The following MAOB variants were observed in gnomAD, a reference collection of about 807,000 sequenced individuals.
The protein encoded by MAOB is amine oxidase [flavin-containing] B.
Under a neutral mutation model 41.9 loss-of-function variants are expected in MAOB, and 15 were observed. The observed-to-expected ratio is 0.36, with a 90% CI of 0.24 to 0.55. The LOEUF (loss-of-function observed/expected upper bound fraction) is 0.55. MAOB is among the 20% of genes least tolerant of loss of function. MAOB has a pLI of 0.86. For missense variants in MAOB, 345 were observed against 398.7 expected, an observed-to-expected ratio of 0.87 and a Z score of 1.15; for synonymous variants, 167 against 144.2, an observed-to-expected ratio of 1.16 and a Z score of -1.13.
intron 6 of MAOB, among the ~76,000 whole-genome samples, chrX:43,796,885 A>G (rs1438171121): frequency 8.9e-6 from 1 of 112,049 alleles, no homozygotes; most frequent in Non-Finnish European, 1.9e-5. Flanking sequence ...GAGCGTATGG[A>G]AAATGGCCAC....
chrX:43,872,647 G>C (rs1342071427), intron 1 of MAOB, among the ~76,000 whole-genome samples: 1 of 111,843 alleles, frequency 8.9e-6, no homozygotes, highest in Non-Finnish European at 1.9e-5. Flanking sequence ...AGCAATAGGA[G>C]ATTGATTCAA....
chrX:43,841,254 T>C (rs986875827), intron 2 of MAOB, among the ~76,000 whole-genome samples: 2 of 111,424 alleles, frequency 1.8e-5, no homozygotes, highest in Non-Finnish European at 3.8e-5. Context: ...ACTCTGTGTT[T>C]AAATAGAAAA....
At chrX:43,790,811 G>A (rs1364271907) in intron 8 of MAOB, among the ~76,000 whole-genome samples, 1 of 111,461 alleles carries the variant, frequency 9.0e-6, no homozygotes, top group Non-Finnish European at 1.9e-5. Flanking sequence ...CAGATTCTGA[G>A]GGGTGGAGGT....
chrX:43,769,487 A>G (rs761363155), intron 12 of MAOB, 69 bp from the exon 13 acceptor site: 1 of 1,123,331 alleles, frequency 8.9e-7, no homozygotes, highest in Non-Finnish European at 1.2e-6. Context: ...TCCCATAAAG[A>G]CCAATGCTGG....
intron 3 of MAOB, among the ~76,000 whole-genome samples, chrX:43,819,266 T>C (rs2034854441): frequency 9.0e-6 from 1 of 111,665 alleles, no homozygotes; most frequent in South Asian, 3.8e-4. Flanking sequence ...CCCTTGATTT[T>C]CAGCCCCCTT....
intron 1 of MAOB, among the ~76,000 whole-genome samples, chrX:43,848,485 A>G (rs1283840687): frequency 9.0e-6 from 1 of 110,719 alleles, no homozygotes; most frequent in African/African-American, 3.3e-5. Context: ...CTGGTAAACT[A>G]TATAGGCATT....
At chrX:43,789,696 C>T in intron 8 of MAOB, among the ~76,000 whole-genome samples, 1 of 111,478 alleles carries the variant, frequency 9.0e-6, no homozygotes, top group Non-Finnish European at 1.9e-5. Flanking sequence ...TGCAAATTCA[C>T]AAAGATGTTA....
intron 3 of MAOB, among the ~76,000 whole-genome samples, chrX:43,804,788 T>G (rs1011113424): frequency 3.6e-5 from 4 of 111,771 alleles, no homozygotes; most frequent in Admixed American, 9.5e-5. Flanking sequence ...TAAAGTCCAT[T>G]CACATTATGG....
At chrX:43,801,275 A>G (rs948536281) in intron 5 of MAOB, among the ~76,000 whole-genome samples, 1 of 110,856 alleles carries the variant, frequency 9.0e-6, no homozygotes, top group South Asian at 3.8e-4. Context: ...CTGAATTTTT[A>G]TATGAAAAAT....
chrX:43,865,041 G>A (rs113886257), intron 1 of MAOB, among the ~76,000 whole-genome samples: 42 of 111,771 alleles, frequency 3.8e-4, no homozygotes, highest in African/African-American at 1.3e-3. Context: ...TAGCAGTTTC[G>A]CTCCCGGGTA....
chrX:43,775,106 T>C lies in MAOB; in HGVS notation c.1235+69A>G, dbSNP rs892436967. On this transcript the variant is annotated intron_variant, in intron 12 of 14. Coordinates refer to ENST00000378069, the MANE Select transcript of MAOB (RefSeq NM_000898.5). ...TAAGAAACAAGGGAGAAGAGCTACC[T>C]GAACCTATTTAGGTTTTGGATTCAG... 23 of 925,599 alleles carry C rather than the reference T, an allele frequency of 2.5e-5. No individual in the cohort carries two copies. The African/African-American group carries it at 4.4e-4, about 18-fold the overall frequency. 76.3% of individuals were successfully genotyped at this position (925,599 alleles called of 1,213,427 possible).
intron 3 of MAOB, among the ~76,000 whole-genome samples, chrX:43,810,178 G>A (rs1331357569): frequency 1.1e-5 from 1 of 87,932 alleles, no homozygotes; most frequent in Non-Finnish European, 2.1e-5. Context: ...AGGAGGCGGA[G>A]CTTGCAGTGA....
intron 1 of MAOB, among the ~76,000 whole-genome samples, chrX:43,880,837 G>A (rs1017045788): frequency 8.9e-6 from 1 of 112,145 alleles, no homozygotes; most frequent in Non-Finnish European, 1.9e-5. Context: ...AAATGACTTC[G>A]GGGGCCTGAA....
At chrX:43,863,368 T>C (rs185361158) in intron 1 of MAOB, among the ~76,000 whole-genome samples, 197 of 111,553 alleles carry the variant, frequency 1.8e-3, no homozygotes, top group African/African-American at 5.6e-3. Context: ...TGGAAAATGC[T>C]TATAATAGAA....
intron 3 of MAOB, among the ~76,000 whole-genome samples, chrX:43,816,440 A>G (rs1269989534): frequency 8.9e-6 from 1 of 112,218 alleles, no homozygotes; most frequent in Non-Finnish European, 1.9e-5. Flanking sequence ...TTAGATCTCA[A>G]TGAAACTGTA....
intron 3 of MAOB, among the ~76,000 whole-genome samples, chrX:43,815,233 A>T (rs954878888): frequency 1.8e-5 from 2 of 111,689 alleles, no homozygotes; most frequent in Non-Finnish European, 3.8e-5. Context: ...CAACTTTCTC[A>T]CTCTTTCAAT....
intron 1 of MAOB, among the ~76,000 whole-genome samples, chrX:43,857,112 TATATAGAGAGAGAGAGAGAGAG>T (rs1333684385): frequency 0.029 from 435 of 14,919 alleles, no homozygotes; most frequent in Non-Finnish European, 0.04. Context: ...TATATATATA[TATATAGAGAGAGAGAGAGAGAG>T]AGAGAGAGAG....
At chrX:43,787,388 A>G (rs781756131) in intron 8 of MAOB, among the ~76,000 whole-genome samples, 8 of 111,642 alleles carry the variant, frequency 7.2e-5, no homozygotes, top group South Asian at 3.7e-4. Flanking sequence ...CCTACCTGAC[A>G]TAATATATAA....
At chrX:43,810,124 T>A (rs2034726117) in intron 3 of MAOB, among the ~76,000 whole-genome samples, 1 of 99,689 alleles carries the variant, frequency 1.0e-5, no homozygotes, top group South Asian at 4.7e-4. Flanking sequence ...GCGCCTGTAG[T>A]CCCAGCTACT....
Sources: gnomAD v4.1 joint callset for allele counts (sites outside exome capture counted in the v4.1 genomes callset) on GRCh38, gnomAD v4.1.1 for gene constraint, MANE v1.5 for transcripts, NCBI Gene and HGNC (gene_info 2026-07-23, HGNC 2026-07-21) for gene names.